SYT14: variants seen among roughly 807,000 people sequenced by gnomAD.
The protein encoded by SYT14 is synaptotagmin 14.
Under a neutral mutation model 74.2 loss-of-function variants are expected in SYT14, and 32 were observed. The observed-to-expected ratio is 0.43, with a 90% CI of 0.33 to 0.58. SYT14 has a LOEUF of 0.58. SYT14 is among the 20% of genes least tolerant of loss of function. The probability of loss-of-function intolerance (pLI) is 0.05; values close to 1 mark genes in which losing one functional copy is unlikely to be tolerated. For synonymous variants in SYT14, 298 were observed against 337.7 expected, an observed-to-expected ratio of 0.88 and a Z score of 1.29; for missense variants, 791 against 981.8, an observed-to-expected ratio of 0.81 and a Z score of 2.60.
rs142167181 is a variant in SYT14 at position 210,013,043 on chromosome 1, G to A, written c.-485-590G>A. On this transcript the variant is annotated intron_variant, in intron 2 of 9. Coordinates refer to ENST00000637265, the Ensembl canonical transcript of SYT14. ...TTTTCAAATTTTTGCAGTGCTCTTC[G>A]ATGGATTAAACATATGATGATTGCC... Among the ~76,000 whole-genome samples, 629 of 150,384 alleles carry A rather than the reference G, an allele frequency of 4.2e-3. 2 individuals are homozygous for A. Among genetic ancestry groups the A allele is most frequent in the Middle Eastern group, 0.014 (4 of 288 alleles).
intron 6 of SYT14, among the ~76,000 whole-genome samples, chr1:210,099,555 C>T (rs2082023341): frequency 6.6e-6 from 1 of 151,964 alleles, no homozygotes; most frequent in South Asian, 2.1e-4. Flanking sequence ...TGTTTTAGAA[C>T]AATCTCTGAA....
At chr1:210,126,619 A>G (rs2082575916) in intron 7 of SYT14, among the ~76,000 whole-genome samples, 1 of 152,170 alleles carries the variant, frequency 6.6e-6, no homozygotes, top group African/African-American at 2.4e-5. Flanking sequence ...GAAACCCTAA[A>G]ATGTCAAGAT....
At chr1:210,098,981 A>AGC (rs1451108304) in intron 6 of SYT14, among the ~76,000 whole-genome samples, 1 of 152,176 alleles carries the variant, frequency 6.6e-6, no homozygotes, top group Non-Finnish European at 1.5e-5. Flanking sequence ...TTTCTAGCTA[A>AGC]CACTCAGGAA....
chr1:210,048,812 T>C (rs2080934508), intron 5 of SYT14, among the ~76,000 whole-genome samples: 1 of 152,212 alleles, frequency 6.6e-6, no homozygotes, highest in Non-Finnish European at 1.5e-5. Flanking sequence ...CCTCTGCCTA[T>C]GACGCAGTAA....
rs1391983771 is a variant in SYT14, at chr1:210,059,445, T to TAGAGAG, written c.1313-34876_1313-34875insGAGAGA. ...AAGAAAGAATATATATATATATATA[T>TAGAGAG]ATATATAGAGAGAGAGAGAGAGAGA... On this transcript the variant is annotated intron_variant, in intron 5 of 9. Coordinates refer to ENST00000637265, the Ensembl canonical transcript of SYT14. Among the ~76,000 whole-genome samples the TAGAGAG allele has an allele frequency of 5.4e-3, 522 of 96,696 alleles. 1 individual carries two copies. The highest frequency in any genetic ancestry group is 5.8e-3 in the Non-Finnish European group (297 of 51,262). 63.4% of individuals were successfully genotyped at this position (96,696 alleles called of 152,430 possible).
chr1:209,987,505 C>T (rs2079592344), intron 2 of SYT14, among the ~76,000 whole-genome samples: 1 of 152,164 alleles, frequency 6.6e-6, no homozygotes, highest in Non-Finnish European at 1.5e-5. Context: ...CACACTTAAA[C>T]AATCAGATCT....
chr1:210,082,614 C>T lies in SYT14; in HGVS notation c.1313-11708C>T, dbSNP rs186937056. Among the ~76,000 whole-genome samples the T allele has an allele frequency of 4.6e-5, 7 of 152,262 alleles. No homozygotes were observed. The East Asian group carries it at 1.3e-3, about 29-fold the overall frequency. On this transcript the variant is annotated intron_variant, in intron 5 of 9. Transcript: ENST00000637265. Reference sequence around the variant, plus strand: ...GCCTACTTAGCCTGATAATTATCATCCAATATATGCCAACTTTTGTTAAAG... The same window carrying T: ...GCCTACTTAGCCTGATAATTATCATTCAATATATGCCAACTTTTGTTAAAG...
chr1:210,033,027 G>A (rs2080577177), intron 5 of SYT14, among the ~76,000 whole-genome samples: 1 of 151,606 alleles, frequency 6.6e-6, no homozygotes, highest in Admixed American at 6.6e-5. Flanking sequence ...ACTAGAATAA[G>A]AATTAGGGGA....
chr1:210,104,239 G>A (rs2082120987), intron 7 of SYT14, among the ~76,000 whole-genome samples: 1 of 152,226 alleles, frequency 6.6e-6, no homozygotes, highest in Non-Finnish European at 1.5e-5. Context: ...AGAATCCAGT[G>A]AGAACAGCAG....
intron 7 of SYT14, among the ~76,000 whole-genome samples, chr1:210,141,803 G>C (rs2082920646): frequency 6.6e-6 from 1 of 152,198 alleles, no homozygotes; most frequent in African/African-American, 2.4e-5. Context: ...AGAGCAGCAA[G>C]ATCAGCTAGA....
intron 7 of SYT14, among the ~76,000 whole-genome samples, chr1:210,147,685 T>G (rs941174784): frequency 3.3e-5 from 5 of 152,120 alleles, no homozygotes; most frequent in Admixed American, 2.6e-4. Flanking sequence ...AAGAGAGAGA[T>G]AAACATAATA....
intron 2 of SYT14, among the ~76,000 whole-genome samples, chr1:209,970,290 T>C (rs1255833854): frequency 6.6e-6 from 1 of 152,086 alleles, no homozygotes; most frequent in East Asian, 1.9e-4. Context: ...AGTAATCCAG[T>C]TTTTCCAGCT....
chr1:210,037,481 TCTCA>T (rs2080691056), intron 5 of SYT14, among the ~76,000 whole-genome samples: 1 of 151,704 alleles, frequency 6.6e-6, no homozygotes, highest in Non-Finnish European at 1.5e-5. Context: ...GGTTTGGTTT[TCTCA>T]CTCCTTAAAG....
intron 5 of SYT14, among the ~76,000 whole-genome samples, chr1:210,025,995 T>C (rs1429916911): frequency 6.6e-6 from 1 of 152,154 alleles, no homozygotes; most frequent in Admixed American, 6.5e-5. Context: ...GGTTATATGT[T>C]ATAAATCTGA....
At chr1:210,049,945 G>T (rs750938969) in intron 5 of SYT14, among the ~76,000 whole-genome samples, 1 of 152,156 alleles carries the variant, frequency 6.6e-6, no homozygotes, top group Non-Finnish European at 1.5e-5. Context: ...GATGGTAGGG[G>T]CTGCGGTGAA....
chr1:210,125,341 A>G (rs1230264796), intron 7 of SYT14, among the ~76,000 whole-genome samples: 1 of 151,892 alleles, frequency 6.6e-6, no homozygotes, highest in Non-Finnish European at 1.5e-5. Flanking sequence ...TAATTCACTT[A>G]GGGTAATGGC....
At chr1:209,996,650 A>G (rs1243019918) in intron 2 of SYT14, among the ~76,000 whole-genome samples, 1 of 152,074 alleles carries the variant, frequency 6.6e-6, no homozygotes, top group Non-Finnish European at 1.5e-5. Flanking sequence ...CAAAGACACA[A>G]CAAAAAAAGA....
chr1:210,079,027 A>C (rs563036223), intron 5 of SYT14, among the ~76,000 whole-genome samples: 28 of 152,098 alleles, frequency 1.8e-4, no homozygotes, highest in African/African-American at 5.5e-4. Context: ...TGCTGGGATT[A>C]TAGGTGTGAG....
At chr1:210,121,663 G>A (rs562993989) in intron 7 of SYT14, among the ~76,000 whole-genome samples, 137 of 151,896 alleles carry the variant, frequency 9.0e-4, no homozygotes, top group Middle Eastern at 3.4e-3. Flanking sequence ...GCGTGGTGGC[G>A]GGCGCCTGTA....
Sources: allele counts gnomAD v4.1 joint callset (sites outside exome capture counted in the v4.1 genomes callset), GRCh38; gene constraint gnomAD v4.1.1; transcripts MANE v1.5; gene names NCBI Gene and HGNC (gene_info 2026-07-23, HGNC 2026-07-21).